PLEKHG3: variants seen among roughly 807,000 people sequenced by gnomAD.
PLEKHG3 encodes the protein pleckstrin homology and RhoGEF domain containing G3.
Under a neutral mutation model 94.9 loss-of-function variants are expected in PLEKHG3, and 62 were observed. The ratio of observed to expected loss-of-function variants is 0.65; its 90% CI spans 0.53 to 0.81. The LOEUF is 0.81. PLEKHG3 is among the 30% of genes least tolerant of loss of function. The probability of loss-of-function intolerance (pLI) is 0.00; values close to 1 mark genes in which losing one functional copy is unlikely to be tolerated. For synonymous variants in PLEKHG3, 614 were observed against 654.0 expected (o/e 0.94, Z 0.93); for missense variants, 1,461 against 1,619.3 (o/e 0.90, Z 1.68).
At position 64,720,281 on chromosome 14, in the gene PLEKHG3, T is replaced by C. The variant is rs1252916740; in HGVS notation, c.-39-7312T>C. 6.6e-6 allele frequency among the ~76,000 whole-genome samples: 1 copy of C among 152,196 alleles called. No homozygotes were observed. The highest frequency in any genetic ancestry group is 1.9e-4 in the East Asian group (1 of 5,182). Reference sequence around the variant, plus strand: ...AGCTATGCCGTGCTCTAGCTCCCTGTCTGGGGCCAAGTAGGATGGGACTAC... The same window carrying C: ...AGCTATGCCGTGCTCTAGCTCCCTGCCTGGGGCCAAGTAGGATGGGACTAC... On this transcript the variant is annotated intron_variant, in intron 1 of 16. Transcript: ENST00000247226. The surrounding 1 kb of genome is among the most constrained non-coding windows in gnomAD (Gnocchi z 4.1).
chr14:64,727,511 C>G lies in PLEKHG3; in HGVS notation c.-39-82C>G. ...AAATAATACCTTCCCACCCCACCTG[C>G]CCCCACCCCTGGCAACCGTCCCTCT... On this transcript the variant is annotated intron_variant, in intron 1 of 16. Coordinates refer to ENST00000247226, the MANE Select transcript of PLEKHG3 (RefSeq NM_001308147.2). This position sits in a 1 kb window ranked among gnomAD's most constrained non-coding sequence, Gnocchi z 6.0. The G allele has an allele frequency of 1.0e-5, 5 of 493,586 alleles. No individual in the cohort carries two copies. The highest frequency in any genetic ancestry group is 1.9e-5 in the Non-Finnish European group (5 of 264,634). 30.6% of individuals were successfully genotyped at this position (493,586 alleles called of 1,614,324 possible). A position where few individuals can be genotyped will look rare whatever the true frequency, so the allele number is the denominator to read the frequency against.
Position 64,749,892 on chromosome 14 carries a change from G to T in PLEKHG3, c.*6189G>T. Reference sequence around the variant, plus strand: ...ACCCCTGAGGAGCAGCTCAGGCCTGGCACTGGTCCCCTACAGAGGGCCTCT... The same window carrying T: ...ACCCCTGAGGAGCAGCTCAGGCCTGTCACTGGTCCCCTACAGAGGGCCTCT... On this transcript the variant is annotated 3_prime_UTR_variant, in exon 17 of 17. Coordinates refer to ENST00000247226, the MANE Select transcript of PLEKHG3 (RefSeq NM_001308147.2). The surrounding 1 kb of genome is among the most constrained non-coding windows in gnomAD (Gnocchi z 4.7). The T allele has an allele frequency of 1.3e-6, 2 of 1,567,042 alleles. No individual in the cohort carries two copies. The highest frequency in any genetic ancestry group is 8.8e-7 in the Non-Finnish European group (1 of 1,138,068).
chr14:64,737,747 A>T, intron 14 of PLEKHG3: 1 of 431,586 alleles, frequency 2.3e-6, no homozygotes, highest in Non-Finnish European at 3.8e-6. Flanking sequence ...TGGCAACCTG[A>T]GTTGGGCATC....
Position 64,716,472 on chromosome 14 carries a change from C to CA in PLEKHG3, c.-39-11120dup, listed in dbSNP as rs1393535707. Among the ~76,000 whole-genome samples the CA allele has an allele frequency of 3.0e-5, 4 of 134,306 alleles. No homozygotes were observed. Among genetic ancestry groups the CA allele is most frequent in the Non-Finnish European group, 1.6e-5 (1 of 61,730 alleles). 88.1% of individuals were successfully genotyped at this position (134,306 alleles called of 152,430 possible). A position where few individuals can be genotyped will look rare whatever the true frequency, so the allele number is the denominator to read the frequency against. On this transcript the variant is annotated intron_variant, in intron 1 of 16. Transcript: ENST00000247226. This position sits in a 1 kb window ranked among gnomAD's most constrained non-coding sequence, Gnocchi z 5.0. ...CACACACACACACACACACAACACACACACACACAACACACACACACACAA... is the reference window on the plus strand; with the variant it reads ...CACACACACACACACACACAACACACAACACACACAACACACACACACACAA...
chr14:64,731,386 G>C lies in PLEKHG3; in HGVS notation c.875G>C (p.Trp292Ser). 6.2e-7 allele frequency: 1 copy of C among 1,613,868 alleles called. No individual in the cohort carries two copies. The highest frequency in any genetic ancestry group is 8.5e-7 in the Non-Finnish European group (1 of 1,179,936). ...LQEIQSLLINWKGPDLTTYGE... is the reference protein window; with the variant it reads ...LQEIQSLLINSKGPDLTTYGE... ...GAGATTCAGTCACTCCTCATCAACT[G>C]GAAGGGGCCCGACCTGACCACCTAC... The change falls in exon 8 of 17, where the codon TGG becomes TCG. Residue 292 changes from tryptophan to serine, a missense_variant. Transcript: ENST00000247226. This position sits in a 1 kb window ranked among gnomAD's most constrained non-coding sequence, Gnocchi z 6.1.
Position 64,739,167 on chromosome 14 carries a change from G to A in PLEKHG3, c.1518+312G>A, listed in dbSNP as rs972062685. 1.1e-4 allele frequency among the ~76,000 whole-genome samples: 16 copies of A among 152,164 alleles called. No individual in the cohort carries two copies. The highest frequency in any genetic ancestry group is 3.9e-4 in the African/African-American group (16 of 41,440). ...CCTTTCGTTAGGCCACCTTGTATGGGTTATAAGGCCCTGTCCCTGCCAGCA... is the reference window on the plus strand; with the variant it reads ...CCTTTCGTTAGGCCACCTTGTATGGATTATAAGGCCCTGTCCCTGCCAGCA... On this transcript the variant is annotated intron_variant, in intron 15 of 16. Transcript: ENST00000247226. This position sits in a 1 kb window ranked among gnomAD's most constrained non-coding sequence, Gnocchi z 4.1.
rs781480156 is a variant in PLEKHG3 at position 64,743,711 on chromosome 14, T to A, written c.*8T>A. On this transcript the variant is annotated 3_prime_UTR_variant, in exon 17 of 17. Coordinates refer to ENST00000247226, the MANE Select transcript of PLEKHG3 (RefSeq NM_001308147.2). This position sits in a 1 kb window ranked among gnomAD's most constrained non-coding sequence, Gnocchi z 7.2. ...TTGAACTCTGTCGGTTGATGCTGACTCCTGGGGGAGGGAGGAGTCATGTTG... is the reference window on the plus strand; with the variant it reads ...TTGAACTCTGTCGGTTGATGCTGACACCTGGGGGAGGGAGGAGTCATGTTG... 2.0e-6 allele frequency: 3 copies of A among 1,528,762 alleles called. No homozygotes were observed. The Admixed American group carries it at 5.9e-5, about 30-fold the overall frequency. The allele number at this position is 1,528,762 out of a possible 1,614,324, so 94.7% of individuals were successfully genotyped here.
chr14:64,709,977 A>G (rs2081042166), intron 1 of PLEKHG3, among the ~76,000 whole-genome samples: 1 of 151,938 alleles, frequency 6.6e-6, no homozygotes, highest in African/African-American at 2.4e-5. Flanking sequence ...GATTCTAAGA[A>G]GTTAACCTGT....
At chr14:64,709,729 C>CTGTGTGTGTGTGTGTG (rs3063746) in intron 1 of PLEKHG3, among the ~76,000 whole-genome samples, 6 of 144,022 alleles carry the variant, frequency 4.2e-5, no homozygotes, top group Admixed American at 1.4e-4. Flanking sequence ...GGCTGTGAGA[C>CTGTGTGTGTGTGTGTG]TGTGTGTGTG....
chr14:64,749,986 C>T lies in PLEKHG3; in HGVS notation c.*6283C>T. 6.2e-7 allele frequency: 1 copy of T among 1,614,238 alleles called. No individual in the cohort carries two copies. On this transcript the variant is annotated 3_prime_UTR_variant, in exon 17 of 17. Transcript: ENST00000247226. The surrounding 1 kb of genome is among the most constrained non-coding windows in gnomAD (Gnocchi z 4.7). ...AAAGGCCAGGAAGGCCTCACCTCAGCTTAAAGACGTGCTTCTTCTTCTTGT... is the reference window on the plus strand; with the variant it reads ...AAAGGCCAGGAAGGCCTCACCTCAGTTTAAAGACGTGCTTCTTCTTCTTGT...
chr14:64,737,255 A>G, intron 13 of PLEKHG3, 101 bp from the exon 14 acceptor site: 1 of 860,598 alleles, frequency 1.2e-6, no homozygotes, highest in Non-Finnish European at 1.9e-6. Flanking sequence ...GGACTTCCCC[A>G]GGGAGCTGTC....
intron 15 of PLEKHG3, among the ~76,000 whole-genome samples, chr14:64,740,092 TAC>T (rs1022252560): frequency 2.6e-4 from 40 of 152,244 alleles, no homozygotes; most frequent in Non-Finnish European, 5.7e-4. Context: ...CCTTTTTTTA[TAC>T]AGAGTCTTTG....
intron 1 of PLEKHG3, among the ~76,000 whole-genome samples, chr14:64,714,145 C>T (rs1433100614): frequency 2.0e-5 from 3 of 152,046 alleles, no homozygotes; most frequent in Non-Finnish European, 2.9e-5. Context: ...TGGTTTGTTT[C>T]CTTGTGTGGT....
chr14:64,716,466 A>ACC lies in PLEKHG3; in HGVS notation c.-39-11127_-39-11126insCC, dbSNP rs1555359403. 2.0e-4 allele frequency among the ~76,000 whole-genome samples: 17 copies of ACC among 86,482 alleles called. No individual in the cohort carries two copies. The highest frequency in any genetic ancestry group is 3.8e-4 in the South Asian group (1 of 2,634). The allele number at this position is 86,482 out of a possible 152,430, so 56.7% of individuals were successfully genotyped here. On this transcript the variant is annotated intron_variant, in intron 1 of 16. Coordinates refer to ENST00000247226, the MANE Select transcript of PLEKHG3 (RefSeq NM_001308147.2). The surrounding 1 kb of genome is among the most constrained non-coding windows in gnomAD (Gnocchi z 5.0). The stretch of plus-strand genomic sequence containing the variant: ...CACACACACACACACACACACACAC[A>ACC]ACACACACACACACAACACACACAC...
At position 64,749,303 on chromosome 14, in the gene PLEKHG3, C is replaced by G; in HGVS notation, c.*5600C>G. 6.3e-7 allele frequency: 1 copy of G among 1,597,588 alleles called. No individual in the cohort carries two copies. Among genetic ancestry groups the G allele is most frequent in the Non-Finnish European group, 8.5e-7 (1 of 1,174,208 alleles). Reference sequence around the variant, plus strand: ...ACTCCGCCGCGCCCGCCAGCCCCACCTGCTACTTCTTTTTGGGGAAGAAGC... The same window carrying G: ...ACTCCGCCGCGCCCGCCAGCCCCACGTGCTACTTCTTTTTGGGGAAGAAGC... On this transcript the variant is annotated 3_prime_UTR_variant, in exon 17 of 17. Transcript: ENST00000247226. This position sits in a 1 kb window ranked among gnomAD's most constrained non-coding sequence, Gnocchi z 4.7.
Position 64,732,882 on chromosome 14 carries a change from C to G in PLEKHG3, c.1326C>G (p.Arg442=), listed in dbSNP as rs1054048604. 2.5e-6 allele frequency: 4 copies of G among 1,607,076 alleles called. No homozygotes were observed. The highest frequency in any genetic ancestry group is 3.4e-6 in the Non-Finnish European group (4 of 1,176,870). ...AGGATGAGGTGTCCACCAATGTGCG[C>G]CAGGGGCGCCGGCAATCTGGTAAGA... The part of the protein sequence containing the change: ...SSQDEVSTNV[R]QGRRQSEPTK... The change falls in exon 12 of 17, where the codon CGC becomes CGG. Residue 442 remains arginine (R), a synonymous_variant. Coordinates refer to ENST00000247226, the MANE Select transcript of PLEKHG3 (RefSeq NM_001308147.2). This position sits in a 1 kb window ranked among gnomAD's most constrained non-coding sequence, Gnocchi z 4.9.
Position 64,738,752 on chromosome 14 carries a change from G to T in PLEKHG3, c.1415G>T (p.Arg472Leu), listed in dbSNP as rs371986747. Reference protein sequence around the residue: ...ARAAGMKGKGRRESESSRSSR... With the variant: ...ARAAGMKGKGLRESESSRSSR... The stretch of plus-strand genomic sequence containing the variant: ...CCTCTACCTCTGCAGGGAAAGGGGC[G>T]CAGGGAGTCTGAAAGCTCCAGGAGC... The change falls in exon 15 of 17, where the codon CGC becomes CTC. Residue 472 changes from arginine to leucine, a missense_variant. Physicochemically the swap from Arg to Leu is moderately radical, Grantham distance 102. Around this residue, in one of 3 missense-constraint regions of PLEKHG3, gnomAD observed 1,201 missense variants for 1,295.5 expected, o/e 0.93. Coordinates refer to ENST00000247226, the MANE Select transcript of PLEKHG3 (RefSeq NM_001308147.2). The surrounding 1 kb of genome is among the most constrained non-coding windows in gnomAD (Gnocchi z 4.8). 6 of 1,584,498 alleles carry T rather than the reference G, an allele frequency of 3.8e-6. No homozygotes were observed. The African/African-American group carries it at 6.7e-5, about 18-fold the overall frequency.
intron 1 of PLEKHG3, among the ~76,000 whole-genome samples, chr14:64,713,527 G>A (rs2081091187): frequency 6.6e-6 from 1 of 152,092 alleles, no homozygotes; most frequent in South Asian, 2.1e-4. Context: ...TAGAAATTTG[G>A]CTGTTTCAAC....
chr14:64,706,367 C>T (rs1187779358), intron 1 of PLEKHG3, among the ~76,000 whole-genome samples: 1 of 152,220 alleles, frequency 6.6e-6, no homozygotes, highest in Non-Finnish European at 1.5e-5. Flanking sequence ...GTCAGATGTC[C>T]TCATTGTCTG....
Sources: gnomAD v4.1 joint callset for allele counts (sites outside exome capture counted in the v4.1 genomes callset) on GRCh38, gnomAD v4.1.1 for gene constraint, gnomAD v4.1.1 regional missense constraint, Gnocchi (gnomAD v3.1) non-coding constraint, MANE v1.5 for transcripts, NCBI Gene and HGNC (gene_info 2026-07-23, HGNC 2026-07-21) for gene names.